PCDHGA4: variants seen among roughly 807,000 people sequenced by gnomAD.
PCDHGA4 encodes the protein protocadherin gamma subfamily A, 4.
Under a neutral mutation model 54.6 loss-of-function variants are expected in PCDHGA4, and 38 were observed. The ratio of observed to expected loss-of-function variants is 0.70; its 90% CI spans 0.54 to 0.91. The LOEUF is 0.91. PCDHGA4 is among the 40% of genes least tolerant of loss of function. The probability of loss-of-function intolerance (pLI) is 0.00; values close to 1 mark genes in which losing one functional copy is unlikely to be tolerated. For synonymous variants in PCDHGA4, 511 were observed against 512.9 expected (o/e 1.00, Z 0.05); for missense variants, 1,298 against 1,220.9 (o/e 1.06, Z -0.94).
chr5:141,374,273 G>A, intron 1 of PCDHGA4: 1 of 1,614,012 alleles, frequency 6.2e-7, no homozygotes, highest in South Asian at 1.1e-5. Flanking sequence ...GGAGCACGGA[G>A]TCCGCATCGT....
chr5:141,433,389 A>G (rs1157605590), intron 1 of PCDHGA4, among the ~76,000 whole-genome samples: 2 of 151,108 alleles, frequency 1.3e-5, no homozygotes, highest in African/African-American at 2.4e-5. Context: ...CTATCTATCT[A>G]TCTATCTATC....
intron 1 of PCDHGA4, among the ~76,000 whole-genome samples, chr5:141,472,516 G>T (rs545962540): frequency 2.0e-5 from 3 of 152,072 alleles, no homozygotes; most frequent in Non-Finnish European, 4.4e-5. Flanking sequence ...CTCCAGCCTG[G>T]GTGACAGAGT....
intron 1 of PCDHGA4, chr5:141,393,226 T>C (rs1291576624): frequency 6.2e-7 from 1 of 1,613,712 alleles, no homozygotes; most frequent in Non-Finnish European, 8.5e-7. Context: ...GTCGAAGATC[T>C]AGAAGTAAAA....
At position 141,482,089 on chromosome 5, in the gene PCDHGA4, CAAA is replaced by C. The variant is rs36035257; in HGVS notation, c.2515-12704_2515-12702del. 2.7e-4 allele frequency among the ~76,000 whole-genome samples: 36 copies of C among 134,496 alleles called. No individual in the cohort carries two copies. The East Asian group carries it at 3.5e-3, about 13-fold the overall frequency. The allele number at this position is 134,496 out of a possible 152,430, so 88.2% of individuals were successfully genotyped here. On this transcript the variant is annotated intron_variant, in intron 1 of 3. Coordinates refer to ENST00000571252, the MANE Select transcript of PCDHGA4 (RefSeq NM_018917.4). ...AACAAGAACAAAACTCACTCCATCTCAAAAAAAAAAAAAAAATATCTAGAGATG... is the reference window on the plus strand; with the variant it reads ...AACAAGAACAAAACTCACTCCATCTCAAAAAAAAAAAAATATCTAGAGATG...
At chr5:141,419,939 G>GTGGCCT (rs780963377) in intron 1 of PCDHGA4, 3 of 1,614,054 alleles carry the variant, frequency 1.9e-6, no homozygotes, top group Admixed American at 1.7e-5. Flanking sequence ...TTACCTGGTG[G>GTGGCCT]TGGCCTTGGC....
At position 141,421,975 on chromosome 5, in the gene PCDHGA4, G is replaced by A. The variant is rs1287891140; in HGVS notation, c.2514+64354G>A. 3.1e-6 allele frequency: 5 copies of A among 1,610,050 alleles called. No individual in the cohort carries two copies. The South Asian group carries it at 3.3e-5, about 11-fold the overall frequency. On this transcript the variant is annotated intron_variant, in intron 1 of 3. Coordinates refer to ENST00000571252, the MANE Select transcript of PCDHGA4 (RefSeq NM_018917.4). ...AATGTTTACACAGTCCGTATATCGC[G>A]TGAGTGTTCCAGAAAACATCAGCTC...
intron 1 of PCDHGA4, among the ~76,000 whole-genome samples, chr5:141,460,682 T>A (rs957470916): frequency 3.3e-5 from 5 of 152,134 alleles, no homozygotes; most frequent in African/African-American, 1.2e-4. Flanking sequence ...TATATCTATA[T>A]ATCCACCAAC....
intron 1 of PCDHGA4, among the ~76,000 whole-genome samples, chr5:141,450,564 G>A (rs1397334260): frequency 2.0e-5 from 3 of 151,932 alleles, no homozygotes; most frequent in African/African-American, 7.3e-5. Context: ...TCGGCTCACT[G>A]CAACTTCTGC....
In PCDHGA4 at chr5:141,370,967, C is replaced by T. The variant is rs776738496; in HGVS notation, c.2514+13346C>T. On this transcript the variant is annotated intron_variant, in intron 1 of 3. Transcript: ENST00000571252. ...AGGAGAACCTGGATGGCAGTAGGTA[C>T]CCAGAGCTAGTACTGAAAGCACCCC... is the stretch of plus-strand genomic sequence containing the variant. 9.3e-6 allele frequency: 15 copies of T among 1,613,878 alleles called. 1 individual carries two copies. The South Asian group carries it at 1.3e-4, about 14-fold the overall frequency.
At chr5:141,415,425 T>G (rs777503392) in intron 1 of PCDHGA4, 7 of 1,614,080 alleles carry the variant, frequency 4.3e-6, no homozygotes, top group African/African-American at 1.3e-5. Context: ...TGGACGGGGT[T>G]CGGGCTTTCC....
chr5:141,364,772 G>T (rs764374918), intron 1 of PCDHGA4: 17 of 1,613,860 alleles, frequency 1.1e-5, no homozygotes, highest in African/African-American at 2.7e-5. Context: ...AAATGCGGCT[G>T]CAGGGACACG....
At chr5:141,497,849 T>G (rs1337258582) in intron 2 of PCDHGA4, among the ~76,000 whole-genome samples, 1 of 152,192 alleles carries the variant, frequency 6.6e-6, no homozygotes, top group African/African-American at 2.4e-5. Flanking sequence ...ACAAACATTT[T>G]TGATTCAGCG....
At chr5:141,371,866 T>A (rs1768128471) in intron 1 of PCDHGA4, 1 of 1,613,504 alleles carries the variant, frequency 6.2e-7, no homozygotes, top group Non-Finnish European at 8.5e-7. Flanking sequence ...TCCTACTACA[T>A]CGTGGCCAGT....
chr5:141,465,966 C>CA (rs2099113454), intron 1 of PCDHGA4, among the ~76,000 whole-genome samples: 1 of 151,802 alleles, frequency 6.6e-6, no homozygotes, highest in Non-Finnish European at 1.5e-5. Flanking sequence ...ACTAAAAATA[C>CA]AAAAAATTAG....
chr5:141,434,852 A>G (rs1382212982), intron 1 of PCDHGA4, among the ~76,000 whole-genome samples: 2 of 151,990 alleles, frequency 1.3e-5, no homozygotes, highest in Non-Finnish European at 2.9e-5. Context: ...AGACATCAAT[A>G]AATTTATATA....
At chr5:141,393,267 T>C in intron 1 of PCDHGA4, 1 of 1,613,944 alleles carries the variant, frequency 6.2e-7, no homozygotes, top group Non-Finnish European at 8.5e-7. Flanking sequence ...TGGAGCACGT[T>C]ATCCACTCCC....
At chr5:141,367,142 G>A (rs1224581067) in intron 1 of PCDHGA4, 1 of 171,748 alleles carries the variant, frequency 5.8e-6, no homozygotes, top group African/African-American at 2.4e-5. Flanking sequence ...AAAGGATAAT[G>A]TATAGGACTG....
At chr5:141,413,230 C>A in intron 1 of PCDHGA4, 1 of 1,613,942 alleles carries the variant, frequency 6.2e-7, no homozygotes. Context: ...CGGGCTGGTC[C>A]TGCTCTGCCT....
rs767397479 is a variant in PCDHGA4 at position 141,430,717 on chromosome 5, T to C, written c.2515-64090T>C. On this transcript the variant is annotated intron_variant, in intron 1 of 3. Transcript: ENST00000571252. ...GCGAAGGAACTGCTCCTGACTTCAG[T>C]GGTTAAGGGCAGAATTGAAAATAAT... is the stretch of plus-strand genomic sequence containing the variant. The C allele has an allele frequency of 8.1e-6, 12 of 1,475,446 alleles. No individual in the cohort carries two copies. The East Asian group carries it at 2.4e-4, about 29-fold the overall frequency. 91.4% of individuals were successfully genotyped at this position (1,475,446 alleles called of 1,614,324 possible). A position where few individuals can be genotyped will look rare whatever the true frequency, so the allele number is the denominator to read the frequency against.
Sources: gnomAD v4.1 joint callset for allele counts (sites outside exome capture counted in the v4.1 genomes callset) on GRCh38, gnomAD v4.1.1 for gene constraint, MANE v1.5 for transcripts, NCBI Gene and HGNC (gene_info 2026-07-23, HGNC 2026-07-21) for gene names.